The following GPR107 variants were observed in gnomAD, a reference collection of about 807,000 sequenced individuals.
GPR107 encodes the protein G protein-coupled receptor 107.
Under a neutral mutation model 75.5 loss-of-function variants are expected in GPR107, and 31 were observed. The observed-to-expected ratio is 0.41, with a 90% confidence interval of 0.31 to 0.55. GPR107 has a LOEUF of 0.55. GPR107 is among the 20% of genes least tolerant of loss of function. GPR107 has a pLI of 0.26. For missense variants in GPR107, 572 were observed against 665.7 expected, an observed-to-expected ratio of 0.86 and a Z score of 1.55; for synonymous variants, 267 against 251.3, an observed-to-expected ratio of 1.06 and a Z score of -0.59.
At chr9:130,114,558 A>AT (rs777042813) in intron 14 of GPR107, 48 of 438,074 alleles carry the variant, frequency 1.1e-4, no homozygotes, top group Admixed American at 1.8e-4. Flanking sequence ...AATTTTTAAA[A>AT]TTTTTTTTGT....
chr9:130,107,008 T>C (rs1328082423), intron 13 of GPR107, among the ~76,000 whole-genome samples: 2 of 152,196 alleles, frequency 1.3e-5, no homozygotes, highest in Non-Finnish European at 2.9e-5. Context: ...ACAGTGTCCC[T>C]GGAGGCTGGC....
In GPR107 at chr9:130,076,394, G is replaced by A. The variant is rs759834537; in HGVS notation, c.256-18G>A. ...AATTGTGTAGATATTTACTTCTACT[G>A]TTTTTACTCCCCATTAGATTGGATT... On this transcript the variant is annotated intron_variant, in intron 2 of 17. Transcript: ENST00000347136. The A allele has an allele frequency of 6.8e-7, 1 of 1,480,354 alleles. No homozygotes were observed. 91.7% of individuals were successfully genotyped at this position (1,480,354 alleles called of 1,614,324 possible).
Position 130,135,299 on chromosome 9 carries a change from G to T in GPR107, c.*178G>T, listed in dbSNP as rs1408811777. 1.5e-5 allele frequency: 7 copies of T among 467,514 alleles called. No individual in the cohort carries two copies. Among genetic ancestry groups the T allele is most frequent in the Non-Finnish European group, 2.3e-5 (6 of 264,930 alleles). The allele number at this position is 467,514 out of a possible 1,614,324, so 29.0% of individuals were successfully genotyped here. A position where few individuals can be genotyped will look rare whatever the true frequency, so the allele number is the denominator to read the frequency against. On this transcript the variant is annotated 3_prime_UTR_variant, in exon 18 of 18. Transcript: ENST00000347136. ...ATTTTGTACTCTCTTTTATGGAAAC[G>T]ATCTGTGGCTGTTTAGAGGCAGCTG...
chr9:130,066,472 A>C lies in GPR107; in HGVS notation c.142-9164A>C, dbSNP rs1391318780. On this transcript the variant is annotated intron_variant, in intron 1 of 17. Transcript: ENST00000347136. ...TGATTATTAGCTGCTCCATTCTGGT[A>C]AATCTCAAACCTTTCCTAGGCATGC... Among the ~76,000 whole-genome samples, 4 of 152,238 alleles carry C rather than the reference A, an allele frequency of 2.6e-5. No individual in the cohort carries two copies. In the East Asian group the frequency reaches 7.7e-4, roughly 29 times the overall value.
At chr9:130,087,805 CAAA>C (rs35984705) in intron 7 of GPR107, among the ~76,000 whole-genome samples, 3,469 of 87,678 alleles carry the variant, frequency 0.04, 147 homozygotes, top group African/African-American at 0.15. Context: ...GACCCTGTCT[CAAA>C]AAAAAAAAAA....
chr9:130,101,858 C>G (rs1831038654), intron 12 of GPR107, among the ~76,000 whole-genome samples: 1 of 152,140 alleles, frequency 6.6e-6, no homozygotes, highest in Non-Finnish European at 1.5e-5. Flanking sequence ...CAGAGTTGTC[C>G]CTGTGAACTT....
intron 12 of GPR107, among the ~76,000 whole-genome samples, chr9:130,101,604 C>T (rs1831032977): frequency 6.6e-6 from 1 of 152,246 alleles, no homozygotes; most frequent in Non-Finnish European, 1.5e-5. Context: ...AAACCGTGAA[C>T]TACACCAGTG....
At chr9:130,114,593 C>A in intron 14 of GPR107, 1 of 492,582 alleles carries the variant, frequency 2.0e-6, no homozygotes, top group South Asian at 1.6e-5. Flanking sequence ...ACCATTTTGC[C>A]CAGGCTGATC....
intron 17 of GPR107, among the ~76,000 whole-genome samples, chr9:130,132,827 ATT>A (rs1238354201): frequency 1.2e-5 from 1 of 85,494 alleles, no homozygotes; most frequent in African/African-American, 4.4e-5. Flanking sequence ...ATTTTTATAT[ATT>A]TATATATATA....
intron 15 of GPR107, among the ~76,000 whole-genome samples, chr9:130,125,192 G>A (rs1347254924): frequency 7.4e-6 from 1 of 135,086 alleles, no homozygotes; most frequent in Non-Finnish European, 1.5e-5. Context: ...TCCACTTCCC[G>A]GGTTCAAGCT....
In GPR107 at chr9:130,112,034, C is replaced by T. The variant is rs1197212569; in HGVS notation, c.1306+4495C>T. 2.6e-5 allele frequency among the ~76,000 whole-genome samples: 4 copies of T among 152,194 alleles called. No homozygotes were observed. The highest frequency in any genetic ancestry group is 1.9e-4 in the East Asian group (1 of 5,196). ...CTCTGACTGCCCTTGAGCCCGCATC[C>T]GCGTTCCCTTCTCTTTCTCCAGTGT... On this transcript the variant is annotated intron_variant, in intron 14 of 17. Coordinates refer to ENST00000347136, the MANE Select transcript of GPR107 (RefSeq NM_020960.5). The surrounding 1 kb of genome is among the most constrained non-coding windows in gnomAD (Gnocchi z 4.0).
At chr9:130,093,145 A>G (rs1830781444) in intron 9 of GPR107, among the ~76,000 whole-genome samples, 2 of 152,126 alleles carry the variant, frequency 1.3e-5, no homozygotes, top group African/African-American at 2.4e-5. Context: ...GATTCTCTGC[A>G]TTGACTTCCA....
intron 12 of GPR107, 96 bp downstream of exon 12, chr9:130,101,319 G>T: frequency 1.4e-6 from 1 of 721,632 alleles, no homozygotes. Flanking sequence ...ACCTCACCCT[G>T]AAACCCCAGC....
intron 14 of GPR107, chr9:130,110,367 C>A: frequency 6.5e-7 from 1 of 1,527,250 alleles, no homozygotes; most frequent in Non-Finnish European, 8.9e-7. Flanking sequence ...TTTTTTCCAC[C>A]AGGTGACAGC....
intron 4 of GPR107, among the ~76,000 whole-genome samples, chr9:130,079,041 C>G (rs1041038564): frequency 3.0e-4 from 45 of 152,320 alleles, no homozygotes; most frequent in Middle Eastern, 3.4e-3. Flanking sequence ...TCATTGCATC[C>G]TCCACCTCCC....
At chr9:130,068,101 C>T (rs1471974918) in intron 1 of GPR107, among the ~76,000 whole-genome samples, 2 of 149,676 alleles carry the variant, frequency 1.3e-5, no homozygotes, top group Non-Finnish European at 3.0e-5. Flanking sequence ...AGAGAAATTG[C>T]TTGTGGTGCC....
intron 1 of GPR107, among the ~76,000 whole-genome samples, chr9:130,059,391 GGCAGGAGAATCACTGTAAC>G: frequency 6.6e-6 from 1 of 152,286 alleles, no homozygotes; most frequent in Admixed American, 6.5e-5. Flanking sequence ...GGGAGGCTGA[GGCAGGAGAATCACTGTAAC>G]GCAGGAGGTG....
chr9:130,128,427 G>A (rs936368530), intron 16 of GPR107, among the ~76,000 whole-genome samples: 3 of 152,196 alleles, frequency 2.0e-5, no homozygotes, highest in African/African-American at 4.8e-5. Flanking sequence ...GCACAGCAGA[G>A]CACAGCCTCG....
intron 14 of GPR107, among the ~76,000 whole-genome samples, chr9:130,123,206 C>G (rs948079768): frequency 6.6e-6 from 1 of 151,906 alleles, no homozygotes; most frequent in Non-Finnish European, 1.5e-5. Context: ...TCACAAACAG[C>G]TAAATTTTTT....
Sources: gnomAD v4.1 joint callset for allele counts (sites outside exome capture counted in the v4.1 genomes callset) on GRCh38, gnomAD v4.1.1 for gene constraint, Gnocchi (gnomAD v3.1) non-coding constraint, MANE v1.5 for transcripts, NCBI Gene and HGNC (gene_info 2026-07-23, HGNC 2026-07-21) for gene names.